Variants in PDZD8 observed in about 807,000 individuals in gnomAD.
The protein encoded by PDZD8 is PDZ domain-containing protein 8.
Under a neutral mutation model 85.8 loss-of-function variants are expected in PDZD8, and 14 were observed. The observed-to-expected ratio is 0.16, with a 90% CI of 0.11 to 0.26. PDZD8 has a LOEUF of 0.26. Ranked by LOEUF, PDZD8 falls within the 10% of genes least tolerant of loss-of-function variation. PDZD8 has a pLI of 1.00. For missense variants in PDZD8, 1,197 were observed against 1,424.3 expected (o/e 0.84, Z 2.57); for synonymous variants, 592 against 568.6 (o/e 1.04, Z -0.59).
At chr10:117,348,808 T>C (rs979793867) in intron 1 of PDZD8, among the ~76,000 whole-genome samples, 4 of 152,120 alleles carry the variant, frequency 2.6e-5, no homozygotes, top group African/African-American at 9.7e-5. Context: ...ATTCAGTCCA[T>C]AACAAAACTC....
rs1318874199 is a variant in PDZD8 at position 117,279,896 on chromosome 10, T to C, written c.*3372A>G. ...CAAAAGGAATTAGGGGAACCTCTCCTTCTTTTGGTAAGAAAAGCAATTATG... is the reference window on the plus strand; with the variant it reads ...CAAAAGGAATTAGGGGAACCTCTCCCTCTTTTGGTAAGAAAAGCAATTATG... On this transcript the variant is annotated 3_prime_UTR_variant, in exon 5 of 5. Coordinates refer to ENST00000334464, the MANE Select transcript of PDZD8 (RefSeq NM_173791.5). 4 of 152,236 alleles carry C rather than the reference T, an allele frequency of 2.6e-5. No homozygotes were observed. Among genetic ancestry groups the C allele is most frequent in the African/African-American group, 7.2e-5 (3 of 41,464 alleles). The allele number at this position is 152,236 out of a possible 1,614,324, so 9.4% of individuals were successfully genotyped here. A position where few individuals can be genotyped will look rare whatever the true frequency, so the allele number is the denominator to read the frequency against.
chr10:117,347,442 G>A (rs1844727959), intron 1 of PDZD8, among the ~76,000 whole-genome samples: 1 of 152,022 alleles, frequency 6.6e-6, no homozygotes, highest in African/African-American at 2.4e-5. Flanking sequence ...TGCCTTTCTG[G>A]ACCAAATCAA....
At chr10:117,314,278 G>A (rs1844086772) in intron 3 of PDZD8, 1 of 152,094 alleles carries the variant, frequency 6.6e-6, no homozygotes, top group African/African-American at 2.4e-5. Flanking sequence ...TTTAGAATCG[G>A]ATTACACTTT....
rs371380367 is a variant in PDZD8, at chr10:117,375,171, G to C, written c.57C>G (p.Leu19=). The change falls in exon 1 of 5, where the codon CTC becomes CTG. Residue 19 remains leucine, a synonymous_variant. Transcript: ENST00000334464. ...GGTACAGCAGGAAGAACTGGGCGAG[G>C]AGCGTGAGGAAGGAACCCAGCACGG... The part of the protein sequence containing the change: ...ASAVLGSFLT[L]LAQFFLLYRR... 5 of 1,582,072 alleles carry C rather than the reference G, an allele frequency of 3.2e-6. No homozygotes were observed. Among genetic ancestry groups the C allele is most frequent in the Non-Finnish European group, 4.3e-6 (5 of 1,170,608 alleles).
At position 117,281,894 on chromosome 10, in the gene PDZD8, T is replaced by TA. The variant is rs1844581097; in HGVS notation, c.*1373dup. The TA allele has an allele frequency of 6.6e-6, 1 of 152,160 alleles. No homozygotes were observed. Among genetic ancestry groups the TA allele is most frequent in the South Asian group, 2.1e-4 (1 of 4,828 alleles). 9.4% of individuals were successfully genotyped at this position (152,160 alleles called of 1,614,324 possible). A position where few individuals can be genotyped will look rare whatever the true frequency, so the allele number is the denominator to read the frequency against. On this transcript the variant is annotated 3_prime_UTR_variant, in exon 5 of 5. Transcript: ENST00000334464. ...ACTATATAGCAATCATCATAGCAGTTACCTACAAAGGGACAAACATATACT... is the reference window on the plus strand; with the variant it reads ...ACTATATAGCAATCATCATAGCAGTTAACCTACAAAGGGACAAACATATACT...
Position 117,284,322 on chromosome 10 carries a change from T to C in PDZD8, c.2411A>G (p.His804Arg), listed in dbSNP as rs372220170. 13 of 1,614,152 alleles carry C rather than the reference T, an allele frequency of 8.1e-6. No homozygotes were observed. The highest frequency in any genetic ancestry group is 1.1e-5 in the Non-Finnish European group (13 of 1,179,996). ...KYLKEGESDHHVVTNVEKEKE... is the reference protein window; with the variant it reads ...KYLKEGESDHRVVTNVEKEKE... ...TTCTTTTTCTACGTTAGTAACTACA[T>C]GGTGGTCTGATTCTCCTTCTTTCAA... The change falls in exon 5 of 5, where the codon CAT (histidine) becomes CGT (arginine). Residue 804 changes from histidine to arginine, a missense_variant. Physicochemically the swap from His to Arg is conservative, Grantham distance 29. This residue lies in a region of PDZD8 where 418 missense variants were observed against 571.1 expected (regional missense o/e 0.73). Transcript: ENST00000334464.
chr10:117,340,940 T>C (rs768947267), intron 2 of PDZD8, 40 bp downstream of exon 2: 3 of 1,609,072 alleles, frequency 1.9e-6, no homozygotes, highest in Admixed American at 1.7e-5. Flanking sequence ...CACTGCACTG[T>C]TCTTCCCGTA....
At chr10:117,366,592 T>TACCACCACCACCACCACCACC (rs140867417) in intron 1 of PDZD8, among the ~76,000 whole-genome samples, 1 of 150,556 alleles carries the variant, frequency 6.6e-6, no homozygotes, top group Non-Finnish European at 1.5e-5. Context: ...TCACCACCAT[T>TACCACCACCACCACCACCACC]ACCACCACCA....
chr10:117,331,159 T>C (rs2133830113), intron 2 of PDZD8, among the ~76,000 whole-genome samples: 1 of 152,320 alleles, frequency 6.6e-6, no homozygotes. Flanking sequence ...TTTGTATTCA[T>C]CGTAGTATTT....
At chr10:117,347,919 A>C (rs1844737075) in intron 1 of PDZD8, among the ~76,000 whole-genome samples, 1 of 152,222 alleles carries the variant, frequency 6.6e-6, no homozygotes, top group Non-Finnish European at 1.5e-5. Context: ...AGAAAAGTAC[A>C]TGAGGGGTTA....
At chr10:117,312,269 A>G (rs1261544569) in intron 3 of PDZD8, among the ~76,000 whole-genome samples, 3 of 152,140 alleles carry the variant, frequency 2.0e-5, no homozygotes, top group African/African-American at 7.2e-5. Context: ...TGGAGGAGTG[A>G]AAGCATGGCT....
chr10:117,373,347 TG>T (rs1845225392), intron 1 of PDZD8, among the ~76,000 whole-genome samples: 1 of 152,132 alleles, frequency 6.6e-6, no homozygotes, highest in East Asian at 1.9e-4. Flanking sequence ...AGTAAATGCT[TG>T]ATGGGCAGAG....
At chr10:117,298,081 CA>C (rs1843785718) in intron 3 of PDZD8, among the ~76,000 whole-genome samples, 1 of 151,940 alleles carries the variant, frequency 6.6e-6, no homozygotes, top group Non-Finnish European at 1.5e-5. Context: ...CAACTTATGT[CA>C]ATCAAATGCA....
At chr10:117,362,706 CACTT>C (rs938718447) in intron 1 of PDZD8, among the ~76,000 whole-genome samples, 16 of 152,068 alleles carry the variant, frequency 1.1e-4, no homozygotes, top group Non-Finnish European at 2.2e-4. Context: ...ATAATTTACT[CACTT>C]TAAGTAAGCA....
intron 2 of PDZD8, among the ~76,000 whole-genome samples, chr10:117,324,872 T>C (rs1374757136): frequency 1.3e-5 from 2 of 152,232 alleles, no homozygotes; most frequent in African/African-American, 4.8e-5. Context: ...TTCACTTTTG[T>C]GAGCAAAATT....
intron 1 of PDZD8, among the ~76,000 whole-genome samples, chr10:117,372,383 A>AT (rs1382984234): frequency 6.8e-5 from 10 of 146,946 alleles, no homozygotes; most frequent in Admixed American, 5.5e-4. Flanking sequence ...CTTACTTCAG[A>AT]TTTACCTAAA....
intron 2 of PDZD8, 151 bp from the exon 3 acceptor site, chr10:117,319,125 C>T (rs1408028142): frequency 4.9e-6 from 3 of 615,758 alleles, no homozygotes; most frequent in South Asian, 3.9e-5. Flanking sequence ...ATATTTTATA[C>T]ACCCTCTAGT....
intron 1 of PDZD8, among the ~76,000 whole-genome samples, chr10:117,373,410 A>C (rs1363370899): frequency 6.6e-6 from 1 of 152,098 alleles, no homozygotes; most frequent in Admixed American, 6.5e-5. Context: ...ACATTAATAC[A>C]AAATGTAAAG....
chr10:117,338,565 C>T (rs1037112055), intron 2 of PDZD8, among the ~76,000 whole-genome samples: 1 of 152,206 alleles, frequency 6.6e-6, no homozygotes, highest in African/African-American at 2.4e-5. Context: ...AATAGCTGGG[C>T]TATCACCTTG....
Sources: gnomAD v4.1 joint callset for allele counts (sites outside exome capture counted in the v4.1 genomes callset) on GRCh38, gnomAD v4.1.1 for gene constraint, gnomAD v4.1.1 regional missense constraint, MANE v1.5 for transcripts, NCBI Gene and HGNC (gene_info 2026-07-23, HGNC 2026-07-21) for gene names.